Variants in KANK4 observed in about 807,000 individuals in gnomAD.
KANK4 encodes the protein KN motif and ankyrin repeat domains 4.
A neutral mutation model predicts 80.8 loss-of-function variants in KANK4; 50 were observed. That is an observed-to-expected ratio of 0.62 (90% confidence interval 0.49 to 0.78). The LOEUF is 0.78. KANK4 is among the 30% of genes least tolerant of loss of function. KANK4 has a pLI of 0.00. For missense variants in KANK4, 1,196 were observed against 1,240.1 expected (o/e 0.96, Z 0.53); for synonymous variants, 465 against 506.9 (o/e 0.92, Z 1.11).
In KANK4 at chr1:62,289,439, C is replaced by T. The variant is rs75252961; in HGVS notation, c.-70-7805G>A. ...CCTCAGTGTTGATGAGGAGGGGACT[C>T]ACCCTCCCCAGAAGATTGCAGCAGA... is the stretch of plus-strand genomic sequence containing the variant. On this transcript the variant is annotated intron_variant, in intron 1 of 9. Coordinates refer to ENST00000371153, the MANE Select transcript of KANK4 (RefSeq NM_181712.5). Among the ~76,000 whole-genome samples the T allele has an allele frequency of 1.9e-3, 284 of 152,196 alleles. 8 individuals are homozygous for T. The East Asian group carries it at 0.03, about 16-fold the overall frequency.
Position 62,252,952 on chromosome 1 carries a change from C to A in KANK4, c.2682+115G>T, listed in dbSNP as rs187673822. On this transcript the variant is annotated intron_variant, in intron 8 of 9. Transcript: ENST00000371153. ...GCCTGATGCCATTTGGAGGTCCCAG[C>A]CTCCTTGGGTTAAAAACTACATGGA... is the stretch of plus-strand genomic sequence containing the variant. 15 of 1,289,328 alleles carry A rather than the reference C, an allele frequency of 1.2e-5. No homozygotes were observed. The East Asian group carries it at 3.6e-4, about 31-fold the overall frequency. The allele number at this position is 1,289,328 out of a possible 1,614,324, so 79.9% of individuals were successfully genotyped here.
Position 62,263,213 on chromosome 1 carries a change from C to A in KANK4, c.2418G>T (p.Gln806His), listed in dbSNP as rs1323789907. ...GTTTCAGGAAGTGTGGGGAGTGAGG[C>A]TGGACCTCGTGGAGGTAGGAGGCCA... ...AVVASYLHEV[Q>H]PHSPHFLKLL... is the part of the protein sequence containing the mutation. Residue 806 changes from glutamine to histidine, a missense_variant, in exon 7 of 10, where the codon CAG (glutamine) becomes CAT (histidine). Gln to His is a conservative substitution (Grantham distance 24). Transcript: ENST00000371153. The A allele has an allele frequency of 1.2e-6, 2 of 1,613,924 alleles. No individual in the cohort carries two copies. Among genetic ancestry groups the A allele is most frequent in the Admixed American group, 3.3e-5 (2 of 59,976 alleles).
At chr1:62,270,386 CT>C (rs66601241) in intron 4 of KANK4, among the ~76,000 whole-genome samples, 290 of 142,246 alleles carry the variant, frequency 2.0e-3, no homozygotes, top group East Asian at 4.9e-3. Flanking sequence ...CTTTGCTTTG[CT>C]TTTTTTTTTT....
chr1:62,310,582 G>A (rs574487276), intron 1 of KANK4, among the ~76,000 whole-genome samples: 32 of 152,294 alleles, frequency 2.1e-4, no homozygotes, highest in African/African-American at 7.2e-4. Flanking sequence ...TGACAGATGC[G>A]GCACTGGGCA....
At chr1:62,313,455 G>A (rs930442617) in intron 1 of KANK4, among the ~76,000 whole-genome samples, 7 of 152,172 alleles carry the variant, frequency 4.6e-5, no homozygotes, top group South Asian at 4.1e-4. Flanking sequence ...TCAGGCTCAC[G>A]GGGATAATAA....
chr1:62,297,222 G>A (rs1048096510), intron 1 of KANK4, among the ~76,000 whole-genome samples: 2 of 152,088 alleles, frequency 1.3e-5, no homozygotes, highest in Non-Finnish European at 2.9e-5. Context: ...GACAGAGTGA[G>A]ACTCCGTCTC....
Position 62,237,081 on chromosome 1 carries a change from C to G in KANK4, c.*1196G>C, listed in dbSNP as rs1671219600. On this transcript the variant is annotated 3_prime_UTR_variant, in exon 10 of 10. Transcript: ENST00000371153. ...AATGAGAGTGCAAGCTTTTGAGTTT[C>G]CAATGTAAAGCTCATCAAACTTTGA... The G allele has an allele frequency of 6.6e-6, 1 of 151,310 alleles. No individual in the cohort carries two copies. Among genetic ancestry groups the G allele is most frequent in the Non-Finnish European group, 1.5e-5 (1 of 67,948 alleles). The allele number at this position is 151,310 out of a possible 1,614,324, so 9.4% of individuals were successfully genotyped here.
intron 1 of KANK4, among the ~76,000 whole-genome samples, chr1:62,295,533 C>G (rs2477873): frequency 6.6e-6 from 1 of 152,190 alleles, no homozygotes; most frequent in Non-Finnish European, 1.5e-5. Context: ...CCTGGGTATC[C>G]TTTATGTTCA....
rs763559327 is a variant in KANK4 at position 62,247,579 on chromosome 1, C to A, written c.2776G>T (p.Asp926Tyr). 1.2e-6 allele frequency: 2 copies of A among 1,614,078 alleles called. No homozygotes were observed. Among genetic ancestry groups the A allele is most frequent in the East Asian group, 2.2e-5 (1 of 44,848 alleles). Residue 926 changes from aspartate to tyrosine, a missense_variant, in exon 9 of 10, where the codon GAC (aspartate) becomes TAC (tyrosine). Physicochemically the swap from Asp to Tyr is radical, Grantham distance 160 (BLOSUM62 -3). Around this residue, in one of 3 missense-constraint regions of KANK4, gnomAD observed 1,154 missense variants for 1,179.6 expected, o/e 0.98. Transcript: ENST00000371153. ...ATGAGGGCCGAGGATCCATCGTGGT[C>A]CTGCAGATTGACATCTGCCTGGCAG... ...LSCQADVNLQ[D>Y]HDGSSALMVA...
chr1:62,255,894 T>C lies in KANK4; in HGVS notation c.2540-2685A>G, dbSNP rs137988682. Among the ~76,000 whole-genome samples, 158 of 152,238 alleles carry C rather than the reference T, an allele frequency of 1.0e-3. 1 individual carries two copies. Among genetic ancestry groups the C allele is most frequent in the Admixed American group, 2.4e-3 (37 of 15,292 alleles). On this transcript the variant is annotated intron_variant, in intron 7 of 9. Transcript: ENST00000371153. ...CGAACTCTTGAGCTCAAGCCATCCATCCACTTTGGCCTCCCAAAATGCTAA... is the reference window on the plus strand; with the variant it reads ...CGAACTCTTGAGCTCAAGCCATCCACCCACTTTGGCCTCCCAAAATGCTAA...
Position 62,291,472 on chromosome 1 carries a change from C to T in KANK4, c.-70-9838G>A, listed in dbSNP as rs142965206. Among the ~76,000 whole-genome samples, 1,233 of 152,300 alleles carry T rather than the reference C, an allele frequency of 8.1e-3. 10 individuals are homozygous for T. Among genetic ancestry groups the T allele is most frequent in the African/African-American group, 0.028 (1,164 of 41,554 alleles). On this transcript the variant is annotated intron_variant, in intron 1 of 9. Transcript: ENST00000371153. The stretch of plus-strand genomic sequence containing the variant: ...TAATTAATTTTTTTAGATAGGGTCT[C>T]ACTCTGTTGCCCAGGCTGGAGTGCA...
At chr1:62,252,961 G>T in intron 8 of KANK4, 106 bp downstream of exon 8, 1 of 1,388,612 alleles carries the variant, frequency 7.2e-7, no homozygotes, top group Non-Finnish European at 9.9e-7. Context: ...GCCTCCTTGG[G>T]TTAAAAACTA....
chr1:62,284,659 A>G (rs1672522733), intron 1 of KANK4, among the ~76,000 whole-genome samples: 3 of 152,094 alleles, frequency 2.0e-5, no homozygotes, highest in African/African-American at 7.2e-5. Context: ...TTGTATCCCC[A>G]CTGTTCAGAA....
chr1:62,317,437 C>T (rs1236597002), intron 1 of KANK4, among the ~76,000 whole-genome samples: 1 of 152,208 alleles, frequency 6.6e-6, no homozygotes, highest in Non-Finnish European at 1.5e-5. Flanking sequence ...TATCTCTCTC[C>T]TTCTCCCCAC....
intron 1 of KANK4, among the ~76,000 whole-genome samples, chr1:62,291,898 T>C (rs1672687138): frequency 6.6e-6 from 1 of 152,158 alleles, no homozygotes; most frequent in Non-Finnish European, 1.5e-5. Flanking sequence ...TGAGCTACCA[T>C]ACTCAGACAA....
chr1:62,294,746 C>G (rs777583990), intron 1 of KANK4, among the ~76,000 whole-genome samples: 1 of 152,182 alleles, frequency 6.6e-6, no homozygotes, highest in Admixed American at 6.5e-5. Context: ...TGACAAGAAG[C>G]GGACATGTGT....
intron 1 of KANK4, among the ~76,000 whole-genome samples, chr1:62,312,840 G>C (rs984468208): frequency 2.0e-5 from 3 of 152,216 alleles, no homozygotes; most frequent in Non-Finnish European, 4.4e-5. Flanking sequence ...TTAATCCATG[G>C]CACTTAGAAT....
intron 1 of KANK4, among the ~76,000 whole-genome samples, chr1:62,302,783 C>A (rs912894): frequency 0.23 from 34,663 of 152,072 alleles, 4,318 homozygotes; most frequent in Middle Eastern, 0.35. Context: ...TTATAAGCCA[C>A]CCCGTCTATG....
At chr1:62,303,054 C>A (rs1226776331) in intron 1 of KANK4, among the ~76,000 whole-genome samples, 2 of 152,106 alleles carry the variant, frequency 1.3e-5, no homozygotes, top group Non-Finnish European at 2.9e-5. Context: ...TGATCTCCAT[C>A]TTCTCAGGTA....
Sources: gnomAD v4.1 joint callset for allele counts (sites outside exome capture counted in the v4.1 genomes callset) on GRCh38, gnomAD v4.1.1 for gene constraint, gnomAD v4.1.1 regional missense constraint, MANE v1.5 for transcripts, NCBI Gene and HGNC (gene_info 2026-07-23, HGNC 2026-07-21) for gene names.